The following SPPL3 variants were observed in gnomAD, a reference collection of about 807,000 sequenced individuals.
The protein encoded by SPPL3 is signal peptide peptidase-like 3.
A neutral mutation model predicts 42.4 loss-of-function variants in SPPL3; 5 were observed. That is an observed-to-expected ratio of 0.12 (90% confidence interval 0.06 to 0.25). The LOEUF (loss-of-function observed/expected upper bound fraction) is 0.25, where lower values mean the gene tolerates loss of function less well. Among genes scored for constraint, SPPL3 ranks in the 10% least tolerant of loss-of-function variants. The pLI is 1.00. For missense variants in SPPL3, 235 were observed against 489.0 expected (o/e 0.48, Z 4.90); for synonymous variants, 195 against 181.8 (o/e 1.07, Z -0.58).
chr12:120,791,256 A>G (rs1017626148), intron 3 of SPPL3, among the ~76,000 whole-genome samples: 1 of 152,238 alleles, frequency 6.6e-6, no homozygotes, highest in African/African-American at 2.4e-5. Flanking sequence ...AAGTCACTTC[A>G]AATTCAAATC....
At chr12:120,835,052 C>T (rs1871564653) in intron 1 of SPPL3, among the ~76,000 whole-genome samples, 1 of 152,138 alleles carries the variant, frequency 6.6e-6, no homozygotes, top group African/African-American at 2.4e-5. Context: ...CTATGTTAAT[C>T]ACCTTGGTAT....
At chr12:120,792,193 G>T (rs1384600534) in intron 2 of SPPL3, among the ~76,000 whole-genome samples, 1 of 152,196 alleles carries the variant, frequency 6.6e-6, no homozygotes, top group Non-Finnish European at 1.5e-5. Flanking sequence ...TTTTAGACAG[G>T]ATGAACAGGA....
intron 1 of SPPL3, among the ~76,000 whole-genome samples, chr12:120,879,344 C>T (rs989181822): frequency 6.6e-6 from 1 of 151,984 alleles, no homozygotes; most frequent in Non-Finnish European, 1.5e-5. Context: ...GAGAATTCTA[C>T]GGACTGATTC....
intron 1 of SPPL3, among the ~76,000 whole-genome samples, chr12:120,854,025 CGG>C (rs1872365836): frequency 7.2e-6 from 1 of 139,572 alleles, no homozygotes; most frequent in South Asian, 2.3e-4. Context: ...CACACACACA[CGG>C]GGAAAAAAAA....
intron 6 of SPPL3, among the ~76,000 whole-genome samples, chr12:120,780,753 CA>C (rs995492042): frequency 5.1e-4 from 34 of 66,614 alleles, no homozygotes; most frequent in Non-Finnish European, 5.4e-4. Context: ...AAAAAAAAAA[CA>C]AAACAAAAAT....
intron 9 of SPPL3, among the ~76,000 whole-genome samples, chr12:120,767,180 T>C (rs1273793712): frequency 6.6e-6 from 1 of 152,222 alleles, no homozygotes; most frequent in Non-Finnish European, 1.5e-5. Context: ...GACCTGCTTT[T>C]CCTACAACGT....
intron 1 of SPPL3, among the ~76,000 whole-genome samples, chr12:120,832,132 T>C (rs772095672): frequency 4.3e-4 from 65 of 152,322 alleles, no homozygotes; most frequent in Admixed American, 7.8e-4. Context: ...AAATAAGTGC[T>C]TTAACTGAAT....
chr12:120,865,109 C>T (rs889177525), intron 1 of SPPL3, among the ~76,000 whole-genome samples: 2 of 152,166 alleles, frequency 1.3e-5, no homozygotes, highest in African/African-American at 2.4e-5. Context: ...GAAATAGGGG[C>T]CACACTTTGA....
At chr12:120,802,431 A>ATATTTT (rs1312190815) in intron 2 of SPPL3, among the ~76,000 whole-genome samples, 5 of 105,122 alleles carry the variant, frequency 4.8e-5, no homozygotes, top group African/African-American at 9.1e-5. Flanking sequence ...ATATATATAT[A>ATATTTT]TTTTTTTTTT....
intron 1 of SPPL3, among the ~76,000 whole-genome samples, chr12:120,880,153 C>T (rs1236754272): frequency 6.6e-6 from 1 of 151,724 alleles, no homozygotes; most frequent in Non-Finnish European, 1.5e-5. Flanking sequence ...GGCTGAGACA[C>T]ATTATTGAGT....
intron 1 of SPPL3, among the ~76,000 whole-genome samples, chr12:120,868,900 T>C (rs1187444293): frequency 6.6e-6 from 1 of 152,222 alleles, no homozygotes; most frequent in Non-Finnish European, 1.5e-5. Flanking sequence ...GGAGGTGCCA[T>C]AGCGACTGCT....
chr12:120,861,581 T>C (rs1288823982), intron 1 of SPPL3, among the ~76,000 whole-genome samples: 1 of 152,194 alleles, frequency 6.6e-6, no homozygotes, highest in Non-Finnish European at 1.5e-5. Context: ...CCTGAAGACA[T>C]ACCACACAGG....
chr12:120,871,890 T>G (rs751174020), intron 1 of SPPL3, among the ~76,000 whole-genome samples: 3 of 152,232 alleles, frequency 2.0e-5, no homozygotes, highest in Non-Finnish European at 4.4e-5. Context: ...GAATATTCCT[T>G]ATCTGAAATG....
rs139378140 is a variant in SPPL3, at chr12:120,891,342, G to A, written c.23+12503C>T. ...CTGGTTTATGCCTATTCCAGATGAC[G>A]GTGTTATTTAATTCTGACCTAAGAT... On this transcript the variant is annotated intron_variant, in intron 1 of 10. Coordinates refer to ENST00000353487, the MANE Select transcript of SPPL3 (RefSeq NM_139015.5). Among the ~76,000 whole-genome samples the A allele has an allele frequency of 3.1e-3, 474 of 152,052 alleles. 3 individuals carry two copies. Among genetic ancestry groups the A allele is most frequent in the African/African-American group, 0.011 (449 of 41,452 alleles).
At chr12:120,858,111 G>GA (rs907373625) in intron 1 of SPPL3, among the ~76,000 whole-genome samples, 13 of 151,684 alleles carry the variant, frequency 8.6e-5, no homozygotes, top group Non-Finnish European at 1.0e-4. Context: ...AAACATACCA[G>GA]AAAAAAAACA....
rs1281903561 is a variant in SPPL3, at chr12:120,829,068, A to G, written c.24-18182T>C. ...CATGAGTTATTGGGCCCAGACTAGG[A>G]ATAGTCTTTTCAACAAACAGTGTTT... On this transcript the variant is annotated intron_variant, in intron 1 of 10. Transcript: ENST00000353487. 3.9e-5 allele frequency among the ~76,000 whole-genome samples: 6 copies of G among 152,216 alleles called. No individual in the cohort carries two copies. The East Asian group carries it at 1.2e-3, about 29-fold the overall frequency.
intron 1 of SPPL3, among the ~76,000 whole-genome samples, chr12:120,875,377 T>A (rs961436173): frequency 6.6e-6 from 1 of 152,092 alleles, no homozygotes. Context: ...ACACCCTGTA[T>A]CAACCACTAA....
At chr12:120,789,037 G>A (rs184237404) in intron 3 of SPPL3, among the ~76,000 whole-genome samples, 1 of 152,262 alleles carries the variant, frequency 6.6e-6, no homozygotes, top group African/African-American at 2.4e-5. Context: ...GTTCTTCTTT[G>A]AGGAAGTGAA....
chr12:120,818,436 A>G (rs1336404977), intron 1 of SPPL3, among the ~76,000 whole-genome samples: 1 of 152,242 alleles, frequency 6.6e-6, no homozygotes, highest in Non-Finnish European at 1.5e-5. Flanking sequence ...ATACAAGACT[A>G]AACTCTAAAC....
Sources: gnomAD v4.1 joint callset for allele counts (sites outside exome capture counted in the v4.1 genomes callset) on GRCh38, gnomAD v4.1.1 for gene constraint, MANE v1.5 for transcripts, NCBI Gene and HGNC (gene_info 2026-07-23, HGNC 2026-07-21) for gene names.